RBMS3: variants seen among roughly 807,000 people sequenced by gnomAD.
RBMS3 encodes RNA binding motif single stranded interacting protein 3, also known as RNA-binding motif, single-stranded-interacting protein 3.
Under a neutral mutation model 66.8 loss-of-function variants are expected in RBMS3, and 27 were observed. The ratio of observed to expected loss-of-function variants is 0.40; its 90% CI spans 0.30 to 0.56. The LOEUF is 0.56. Among genes scored for constraint, RBMS3 ranks in the 20% least tolerant of loss-of-function variants. The probability of loss-of-function intolerance (pLI) is 0.40; values close to 1 mark genes in which losing one functional copy is unlikely to be tolerated. For synonymous variants in RBMS3, 188 were observed against 183.0 expected (o/e 1.03, Z -0.22); for missense variants, 513 against 549.5 (o/e 0.93, Z 0.66).
At chr3:29,528,738 A>G (rs551320207) in intron 3 of RBMS3, among the ~76,000 whole-genome samples, 3 of 151,984 alleles carry the variant, frequency 2.0e-5, no homozygotes, top group African/African-American at 4.8e-5. Context: ...GCTTTCTTAT[A>G]TTATTTTATT....
chr3:29,808,989 AT>A (rs2057643658), intron 6 of RBMS3, among the ~76,000 whole-genome samples: 1 of 151,956 alleles, frequency 6.6e-6, no homozygotes, highest in Non-Finnish European at 1.5e-5. Context: ...CCAAAATGTA[AT>A]TTGTCACAGT....
At chr3:29,918,745 T>C (rs1476378171) in intron 10 of RBMS3, among the ~76,000 whole-genome samples, 2 of 152,148 alleles carry the variant, frequency 1.3e-5, no homozygotes, top group East Asian at 3.8e-4. Context: ...TTTCAATTTC[T>C]ACACGTAAGA....
At chr3:29,332,920 T>A (rs1372976708) in intron 1 of RBMS3, among the ~76,000 whole-genome samples, 1 of 152,204 alleles carries the variant, frequency 6.6e-6, no homozygotes, top group Non-Finnish European at 1.5e-5. Context: ...AATGGCATTA[T>A]TCTGGGATGA....
intron 4 of RBMS3, among the ~76,000 whole-genome samples, chr3:29,700,995 T>C (rs1362806525): frequency 6.6e-6 from 1 of 152,188 alleles, no homozygotes; most frequent in Non-Finnish European, 1.5e-5. Flanking sequence ...CTAAACCATT[T>C]GAAATTAATT....
intron 1 of RBMS3, among the ~76,000 whole-genome samples, chr3:29,339,579 C>CTT (rs57824638): frequency 6.3e-4 from 93 of 146,600 alleles, no homozygotes; most frequent in Middle Eastern, 3.4e-3. Flanking sequence ...TAGACTTTAA[C>CTT]TTTTTTTTTT....
At chr3:29,630,019 AAT>A (rs1203124506) in intron 4 of RBMS3, among the ~76,000 whole-genome samples, 1 of 152,038 alleles carries the variant, frequency 6.6e-6, no homozygotes, top group Non-Finnish European at 1.5e-5. Flanking sequence ...ACTAAAAACC[AAT>A]ATATGTTTGT....
chr3:29,991,273 G>T, intron 14 of RBMS3, 64 bp downstream of exon 14: 2 of 1,605,400 alleles, frequency 1.2e-6, no homozygotes, highest in Non-Finnish European at 8.5e-7. Context: ...ACTCTCTCAT[G>T]TTGTATGTGT....
intron 10 of RBMS3, among the ~76,000 whole-genome samples, chr3:29,906,300 T>C (rs1384952703): frequency 6.6e-6 from 1 of 152,038 alleles, no homozygotes; most frequent in East Asian, 1.9e-4. Flanking sequence ...GGATGGAAAG[T>C]CCAAGAGCTT....
chr3:29,364,943 A>G (rs918855903), intron 1 of RBMS3, among the ~76,000 whole-genome samples: 1 of 152,154 alleles, frequency 6.6e-6, no homozygotes, highest in Non-Finnish European at 1.5e-5. Flanking sequence ...GTTTGGTTTG[A>G]AATAGCTCCA....
At chr3:29,622,794 C>A (rs2149158702) in intron 4 of RBMS3, among the ~76,000 whole-genome samples, 1 of 152,258 alleles carries the variant, frequency 6.6e-6, no homozygotes, top group Admixed American at 6.5e-5. Context: ...TTTCCTTGTG[C>A]CTCAGTGTGC....
At chr3:29,298,712 T>C (rs1394594422) in intron 1 of RBMS3, among the ~76,000 whole-genome samples, 1 of 151,874 alleles carries the variant, frequency 6.6e-6, no homozygotes, top group Admixed American at 6.6e-5. Context: ...GTACGTTTGG[T>C]CTCATGACGT....
intron 4 of RBMS3, among the ~76,000 whole-genome samples, chr3:29,735,674 A>G (rs998973824): frequency 1.3e-5 from 2 of 152,226 alleles, no homozygotes; most frequent in Non-Finnish European, 2.9e-5. Flanking sequence ...GAATAAAACA[A>G]GGAACTCAGA....
intron 3 of RBMS3, among the ~76,000 whole-genome samples, chr3:29,500,427 A>G (rs1336568677): frequency 2.7e-5 from 4 of 148,692 alleles, no homozygotes; most frequent in Non-Finnish European, 5.9e-5. Flanking sequence ...AAATATATAT[A>G]TATAATTTTA....
chr3:29,893,557 TG>T (rs1240643556), intron 8 of RBMS3, among the ~76,000 whole-genome samples: 1 of 151,536 alleles, frequency 6.6e-6, no homozygotes, highest in Non-Finnish European at 1.5e-5. Context: ...GACTGTTTAT[TG>T]AGTGGCCTTG....
intron 12 of RBMS3, among the ~76,000 whole-genome samples, chr3:29,954,789 G>T (rs1695915020): frequency 6.6e-6 from 1 of 151,904 alleles, no homozygotes; most frequent in Non-Finnish European, 1.5e-5. Flanking sequence ...TTTATTATTT[G>T]AGTGTTGTTT....
At chr3:29,572,111 C>T (rs1322159787) in intron 3 of RBMS3, among the ~76,000 whole-genome samples, 1 of 151,992 alleles carries the variant, frequency 6.6e-6, no homozygotes, top group African/African-American at 2.4e-5. Context: ...TACTAATTTT[C>T]GTATGTTGAT....
intron 14 of RBMS3, among the ~76,000 whole-genome samples, chr3:29,994,287 G>GGAGTCTC (rs1699072274): frequency 6.6e-6 from 1 of 152,174 alleles, no homozygotes; most frequent in South Asian, 2.1e-4. Context: ...CTACCCCCAC[G>GGAGTCTC]GAGTCTCGCT....
chr3:29,534,863 T>C (rs2045493839), intron 3 of RBMS3, among the ~76,000 whole-genome samples: 1 of 152,170 alleles, frequency 6.6e-6, no homozygotes, highest in Non-Finnish European at 1.5e-5. Context: ...GTAACATTAA[T>C]TGGATGAAAG....
At chr3:29,834,291 A>C (rs1411603786) in intron 6 of RBMS3, among the ~76,000 whole-genome samples, 1 of 152,074 alleles carries the variant, frequency 6.6e-6, no homozygotes, top group African/African-American at 2.4e-5. Context: ...ATATAAGCAA[A>C]TTCATAATAC....
Sources: allele counts gnomAD v4.1 joint callset (sites outside exome capture counted in the v4.1 genomes callset), GRCh38; gene constraint gnomAD v4.1.1; transcripts MANE v1.5; gene names NCBI Gene and HGNC (gene_info 2026-07-23, HGNC 2026-07-21).